PARD3B: variants seen among roughly 807,000 people sequenced by gnomAD.
PARD3B encodes partitioning defective 3 homolog B.
Under a neutral mutation model 130.2 loss-of-function variants are expected in PARD3B, and 103 were observed. That is an observed-to-expected ratio of 0.79 (90% CI 0.67 to 0.93). PARD3B has a LOEUF of 0.93. Among genes scored for constraint, PARD3B ranks in the 40% least tolerant of loss-of-function variants. The pLI is 0.00. For synonymous variants in PARD3B, 583 were observed against 553.2 expected (o/e 1.05, Z -0.76); for missense variants, 1,609 against 1,499.2 (o/e 1.07, Z -1.21).
At chr2:204,794,928 A>G (rs2042320150) in intron 2 of PARD3B, among the ~76,000 whole-genome samples, 3 of 152,194 alleles carry the variant, frequency 2.0e-5, no homozygotes, top group African/African-American at 7.2e-5. Flanking sequence ...ATCATCATTA[A>G]TATAAATTCT....
At chr2:205,197,798 A>G (rs148944687) in intron 15 of PARD3B, among the ~76,000 whole-genome samples, 1 of 152,270 alleles carries the variant, frequency 6.6e-6, no homozygotes, top group East Asian at 1.9e-4. Context: ...TATTTAAATT[A>G]CCAGAATTAC....
chr2:205,564,869 C>T lies in PARD3B; in HGVS notation c.3260+11466C>T, dbSNP rs35231815. 6.6e-6 allele frequency among the ~76,000 whole-genome samples: 1 copy of T among 152,224 alleles called. No individual in the cohort carries two copies. Among genetic ancestry groups the T allele is most frequent in the African/African-American group, 2.4e-5 (1 of 41,450 alleles). ...CAGCCTCCAGAACGTGTTCCTGCTT[C>T]TATTCCAAGTCTCTCATTAAGCCTA... On this transcript the variant is annotated intron_variant, in intron 22 of 22. Transcript: ENST00000406610. The surrounding 1 kb of genome is among the most constrained non-coding windows in gnomAD (Gnocchi z 4.6).
Position 204,799,583 on chromosome 2 carries a change from C to T in PARD3B, c.222+113301C>T, listed in dbSNP as rs2042492231. The stretch of plus-strand genomic sequence containing the variant: ...GAGAGACCCAGTGCTATGCTGGCTT[C>T]AGGTGTGACACAATGCAGACTCAGT... On this transcript the variant is annotated intron_variant, in intron 2 of 22. Coordinates refer to ENST00000406610, the MANE Select transcript of PARD3B (RefSeq NM_001302769.2). The surrounding 1 kb of genome is among the most constrained non-coding windows in gnomAD (Gnocchi z 4.1). Among the ~76,000 whole-genome samples, 1 of 152,180 alleles carries T rather than the reference C, an allele frequency of 6.6e-6. No individual in the cohort carries two copies. The highest frequency in any genetic ancestry group is 1.5e-5 in the Non-Finnish European group (1 of 68,036).
intron 22 of PARD3B, among the ~76,000 whole-genome samples, chr2:205,613,834 G>A (rs553424095): frequency 6.6e-6 from 1 of 152,292 alleles, no homozygotes; most frequent in Admixed American, 6.5e-5. Flanking sequence ...ATTGATTTGA[G>A]CAACTTACAG....
At position 204,747,486 on chromosome 2, in the gene PARD3B, C is replaced by T. The variant is rs533979053; in HGVS notation, c.222+61204C>T. 6.8e-4 allele frequency among the ~76,000 whole-genome samples: 103 copies of T among 152,200 alleles called. No individual in the cohort carries two copies. The Middle Eastern group carries it at 0.014, about 20-fold the overall frequency. On this transcript the variant is annotated intron_variant, in intron 2 of 22. Coordinates refer to ENST00000406610, the MANE Select transcript of PARD3B (RefSeq NM_001302769.2). ...GCTCATGGATAGGAAGAATCAGTAT[C>T]GTGAAAATGGCCATACTGCCCAAGG...
intron 15 of PARD3B, among the ~76,000 whole-genome samples, chr2:205,242,477 C>T (rs1185275186): frequency 6.6e-6 from 1 of 152,160 alleles, no homozygotes; most frequent in African/African-American, 2.4e-5. Flanking sequence ...CATAATAAAA[C>T]CGTACAGTCT....
rs1390070163 is a variant in PARD3B, at chr2:204,677,557, C to G, written c.121-8624C>G. Among the ~76,000 whole-genome samples, 2 of 152,196 alleles carry G rather than the reference C, an allele frequency of 1.3e-5. No individual in the cohort carries two copies. Among genetic ancestry groups the G allele is most frequent in the Non-Finnish European group, 2.9e-5 (2 of 68,038 alleles). On this transcript the variant is annotated intron_variant, in intron 1 of 22. Transcript: ENST00000406610. The surrounding 1 kb of genome is among the most constrained non-coding windows in gnomAD (Gnocchi z 4.1). Reference sequence around the variant, plus strand: ...GTGGTTACTGTCACATGGGTCATCTCCAGTTAGTTAATGATGGTCTCTTCA... The same window carrying G: ...GTGGTTACTGTCACATGGGTCATCTGCAGTTAGTTAATGATGGTCTCTTCA...
chr2:205,561,895 C>T (rs1228155666), intron 22 of PARD3B, among the ~76,000 whole-genome samples: 4 of 152,172 alleles, frequency 2.6e-5, no homozygotes, highest in South Asian at 2.1e-4. Context: ...CATCCTTTCT[C>T]TTAAGGTTCC....
intron 1 of PARD3B, among the ~76,000 whole-genome samples, chr2:204,582,030 A>G (rs984144306): frequency 6.6e-6 from 1 of 152,156 alleles, no homozygotes; most frequent in African/African-American, 2.4e-5. Flanking sequence ...ATGCAGAAGG[A>G]GCTTGGTGAA....
intron 2 of PARD3B, among the ~76,000 whole-genome samples, chr2:204,772,716 A>T (rs944839076): frequency 6.6e-6 from 1 of 152,194 alleles, no homozygotes; most frequent in Admixed American, 6.6e-5. Context: ...AGTAATGTTG[A>T]GTTTTGTAAA....
chr2:205,052,520 G>C (rs901168036), intron 4 of PARD3B, among the ~76,000 whole-genome samples: 5 of 148,192 alleles, frequency 3.4e-5, no homozygotes, highest in African/African-American at 9.9e-5. Flanking sequence ...ATTTCAGGGG[G>C]GTCTGTTAAC....
chr2:204,877,046 T>G (rs957472280), intron 2 of PARD3B, among the ~76,000 whole-genome samples: 4 of 152,148 alleles, frequency 2.6e-5, no homozygotes, highest in African/African-American at 9.7e-5. Context: ...ATATGCACCA[T>G]GGAATACTAT....
At chr2:204,635,905 T>A (rs1273312450) in intron 1 of PARD3B, among the ~76,000 whole-genome samples, 2 of 152,160 alleles carry the variant, frequency 1.3e-5, no homozygotes, top group Non-Finnish European at 2.9e-5. Flanking sequence ...TTGATTAGCT[T>A]TTTCCTCAAG....
chr2:205,586,914 G>C (rs1378267043), intron 22 of PARD3B, among the ~76,000 whole-genome samples: 1 of 152,058 alleles, frequency 6.6e-6, no homozygotes, highest in Non-Finnish European at 1.5e-5. Flanking sequence ...GTATGTGGTG[G>C]GTGTTATAAG....
intron 3 of PARD3B, among the ~76,000 whole-genome samples, chr2:205,014,999 A>G (rs1207817692): frequency 6.6e-6 from 1 of 152,146 alleles, no homozygotes; most frequent in Admixed American, 6.5e-5. Flanking sequence ...CTGTCGAACA[A>G]TGTGAGAGTT....
At chr2:205,503,435 AT>A (rs1252314175) in intron 21 of PARD3B, among the ~76,000 whole-genome samples, 3 of 147,068 alleles carry the variant, frequency 2.0e-5, no homozygotes, top group African/African-American at 5.0e-5. Flanking sequence ...AATTTGTTGG[AT>A]TTTTTTCCCC....
chr2:205,358,730 G>A (rs758957467), intron 18 of PARD3B, among the ~76,000 whole-genome samples: 11 of 152,004 alleles, frequency 7.2e-5, no homozygotes, highest in Admixed American at 2.0e-4. Context: ...TCCCACCCCC[G>A]TCTTTTGAAT....
intron 15 of PARD3B, among the ~76,000 whole-genome samples, chr2:205,203,914 C>T (rs1364260742): frequency 1.3e-5 from 2 of 152,138 alleles, no homozygotes; most frequent in Admixed American, 6.5e-5. Flanking sequence ...AATAAACATA[C>T]GTGTACATGT....
At chr2:205,003,193 C>G (rs1385767319) in intron 3 of PARD3B, among the ~76,000 whole-genome samples, 1 of 152,198 alleles carries the variant, frequency 6.6e-6, no homozygotes, top group Non-Finnish European at 1.5e-5. Context: ...TTTCCTCCCT[C>G]TTCACTTTTA....
Sources: gnomAD v4.1 joint callset for allele counts (sites outside exome capture counted in the v4.1 genomes callset) on GRCh38, gnomAD v4.1.1 for gene constraint, Gnocchi (gnomAD v3.1) non-coding constraint, MANE v1.5 for transcripts, NCBI Gene and HGNC (gene_info 2026-07-23, HGNC 2026-07-21) for gene names.